Variants in C7 observed in about 807,000 individuals in gnomAD.
The protein encoded by C7 is complement C7, also known as complement component C7.
In C7, 83 loss-of-function variants were observed where a neutral mutation model predicts 104.8. That is an observed-to-expected ratio of 0.79 (90% CI 0.66 to 0.95). The LOEUF is 0.95. Among genes scored for constraint, C7 ranks in the 40% least tolerant of loss-of-function variants. The probability of loss-of-function intolerance (pLI) is 0.00; values close to 1 mark genes in which losing one functional copy is unlikely to be tolerated. For synonymous variants in C7, 415 were observed against 360.6 expected (o/e 1.15, Z -1.71); for missense variants, 1,070 against 1,011.2 (o/e 1.06, Z -0.79).
At chr5:40,964,077 C>G (rs1021316933) in intron 13 of C7, among the ~76,000 whole-genome samples, 15 of 111,996 alleles carry the variant, frequency 1.3e-4, no homozygotes, top group African/African-American at 4.6e-4. Context: ...GAGTCTTGCT[C>G]TGTCACACAG....
intron 9 of C7, among the ~76,000 whole-genome samples, chr5:40,950,300 AAT>A (rs1326736996): frequency 1.3e-5 from 2 of 152,016 alleles, no homozygotes; most frequent in African/African-American, 2.4e-5. Flanking sequence ...GAAAATACTC[AAT>A]GTTTAGTTTT....
chr5:40,939,213 A>G (rs1041975930), intron 6 of C7, among the ~76,000 whole-genome samples: 3 of 152,214 alleles, frequency 2.0e-5, no homozygotes, highest in African/African-American at 7.2e-5. Context: ...TTTACCATAG[A>G]ATAAGTTAGT....
intron 1 of C7, among the ~76,000 whole-genome samples, chr5:40,912,355 AT>A (rs1739227024): frequency 6.6e-6 from 1 of 152,182 alleles, no homozygotes; most frequent in Admixed American, 6.5e-5. Context: ...ATTTCCTAAA[AT>A]TTCATTGAAA....
intron 11 of C7, among the ~76,000 whole-genome samples, chr5:40,958,886 G>A (rs1470471353): frequency 6.6e-6 from 1 of 152,086 alleles, no homozygotes. Context: ...CCCAGAGCTT[G>A]ACAAAAGGCT....
intron 13 of C7, chr5:40,964,450 C>T: frequency 4.9e-6 from 1 of 205,562 alleles, no homozygotes; most frequent in Non-Finnish European, 9.6e-6. Context: ...TGGACAGTGT[C>T]CAAATAATTT....
chr5:40,947,760 C>T lies in C7; in HGVS notation c.897C>T (p.Tyr299=), dbSNP rs376298749. The change falls in exon 8 of 18, where the codon TAC becomes TAT. Residue 299 remains tyrosine, a synonymous_variant. Coordinates refer to ENST00000313164, the MANE Select transcript of C7 (RefSeq NM_000587.4). The part of the protein sequence containing the change: ...YSAYRRLIDQ[Y]GTHYLQSGSL... ...CCTACCGAAGATTAATCGACCAGTA[C>T]GGGACACATTATCTGCAATCTGGGT... is the stretch of plus-strand genomic sequence containing the variant. 1.9e-5 allele frequency: 30 copies of T among 1,613,480 alleles called. No homozygotes were observed. Among genetic ancestry groups the T allele is most frequent in the Middle Eastern group, 1.6e-4 (1 of 6,084 alleles).
chr5:40,922,374 C>CA (rs869109946), intron 1 of C7, among the ~76,000 whole-genome samples: 2,110 of 43,002 alleles, frequency 0.049, 228 homozygotes, highest in Non-Finnish European at 0.067. Context: ...GACTCTGTCT[C>CA]AAAAAAAAAA....
In C7 at chr5:40,943,392, AG is replaced by A. The variant is rs142150113; in HGVS notation, c.568-1805del. Reference sequence around the variant, plus strand: ...TGGAGAATCCAGGATCTAAGCTGGAAGAAGGAGGGTATTAATTAAAGAAAAT... The same window carrying A: ...TGGAGAATCCAGGATCTAAGCTGGAAAAGGAGGGTATTAATTAAAGAAAAT... On this transcript the variant is annotated intron_variant, in intron 6 of 17. Transcript: ENST00000313164. Among the ~76,000 whole-genome samples, 1,469 of 152,266 alleles carry A rather than the reference AG, an allele frequency of 9.6e-3. 23 individuals are homozygous for A. Among genetic ancestry groups the A allele is most frequent in the African/African-American group, 0.034 (1,419 of 41,540 alleles).
intron 1 of C7, among the ~76,000 whole-genome samples, chr5:40,916,345 T>C (rs1196039094): frequency 1.3e-5 from 2 of 152,168 alleles, no homozygotes; most frequent in Non-Finnish European, 2.9e-5. Context: ...GTTTTAAACA[T>C]CAAACGGACC....
chr5:40,938,300 T>C (rs1415496760), intron 6 of C7, among the ~76,000 whole-genome samples: 1 of 152,240 alleles, frequency 6.6e-6, no homozygotes, highest in Non-Finnish European at 1.5e-5. Context: ...TATATGTTTT[T>C]GTCCCTAAAT....
intron 3 of C7, among the ~76,000 whole-genome samples, chr5:40,933,786 T>G (rs1739745996): frequency 6.6e-6 from 1 of 152,184 alleles, no homozygotes; most frequent in African/African-American, 2.4e-5. Flanking sequence ...CCTTTCCCAG[T>G]ACCTTATCCT....
At chr5:40,924,598 G>A (rs908691882) in intron 1 of C7, among the ~76,000 whole-genome samples, 2 of 152,180 alleles carry the variant, frequency 1.3e-5, no homozygotes, top group Non-Finnish European at 2.9e-5. Flanking sequence ...GGTTCCCTGT[G>A]AGGGCTCCAC....
At chr5:40,922,491 G>A (rs1739461388) in intron 1 of C7, among the ~76,000 whole-genome samples, 1 of 151,408 alleles carries the variant, frequency 6.6e-6, no homozygotes, top group East Asian at 1.9e-4. Context: ...CATGAAGTTA[G>A]GAGTTTGAGA....
At chr5:40,916,816 TA>T in intron 1 of C7, among the ~76,000 whole-genome samples, 1 of 152,178 alleles carries the variant, frequency 6.6e-6, no homozygotes, top group East Asian at 1.9e-4. Context: ...AATATGTATA[TA>T]TTGTAGAATG....
At chr5:40,956,762 C>T (rs569493417) in intron 10 of C7, among the ~76,000 whole-genome samples, 7 of 152,296 alleles carry the variant, frequency 4.6e-5, no homozygotes, top group African/African-American at 1.7e-4. Flanking sequence ...CATAAATTGC[C>T]CATTGGCTTC....
chr5:40,918,648 T>C (rs1354631104), intron 1 of C7, among the ~76,000 whole-genome samples: 1 of 150,730 alleles, frequency 6.6e-6, no homozygotes, highest in African/African-American at 2.5e-5. Flanking sequence ...GGGATAACTA[T>C]ACTTATATAA....
intron 10 of C7, among the ~76,000 whole-genome samples, 160 bp from the exon 11 acceptor site, chr5:40,957,873 A>C (rs1452489025): frequency 6.6e-6 from 1 of 151,860 alleles, no homozygotes; most frequent in Non-Finnish European, 1.5e-5. Flanking sequence ...TGTTGCAAAG[A>C]GAGTGCACTG....
chr5:40,927,323 T>A (rs1210569112), intron 1 of C7, among the ~76,000 whole-genome samples: 1 of 152,110 alleles, frequency 6.6e-6, no homozygotes, highest in East Asian at 1.9e-4. Flanking sequence ...GGAAAAACTG[T>A]ATTTTTCTAG....
chr5:40,966,655 G>A (rs1181989066), intron 14 of C7, among the ~76,000 whole-genome samples: 1 of 152,092 alleles, frequency 6.6e-6, no homozygotes, highest in Admixed American at 6.5e-5. Flanking sequence ...GGGATTACAG[G>A]CATGAGCTAC....
Sources: gnomAD v4.1 joint callset for allele counts (sites outside exome capture counted in the v4.1 genomes callset) on GRCh38, gnomAD v4.1.1 for gene constraint, MANE v1.5 for transcripts, NCBI Gene and HGNC (gene_info 2026-07-23, HGNC 2026-07-21) for gene names.